The following FBXO17 variants were observed in gnomAD, a reference collection of about 807,000 sequenced individuals.
The protein encoded by FBXO17 is F-box only protein 17.
A neutral mutation model predicts 34.1 loss-of-function variants in FBXO17; 43 were observed. The observed-to-expected ratio is 1.26, with a 90% confidence interval of 0.99 to 1.62. FBXO17 has a LOEUF of 1.62. Ranked by LOEUF, FBXO17 falls within the 40% of genes most tolerant of loss-of-function variation. FBXO17 has a pLI of 0.00. For missense variants in FBXO17, 424 were observed against 386.7 expected, an observed-to-expected ratio of 1.10 and a Z score of -0.81; for synonymous variants, 169 against 166.0, an observed-to-expected ratio of 1.02 and a Z score of -0.14.
At chr19:38,968,796 A>G (rs1322264658) in intron 1 of FBXO17, among the ~76,000 whole-genome samples, 1 of 152,220 alleles carries the variant, frequency 6.6e-6, no homozygotes, top group East Asian at 1.9e-4. Flanking sequence ...CCAGATGCAA[A>G]AGGACACATA....
chr19:38,956,250 A>G (rs913496313), intron 1 of FBXO17, among the ~76,000 whole-genome samples: 4 of 148,480 alleles, frequency 2.7e-5, no homozygotes, highest in Non-Finnish European at 5.9e-5. Flanking sequence ...TGGGCGATAG[A>G]CTGAGACTCT....
intron 1 of FBXO17, among the ~76,000 whole-genome samples, chr19:38,974,409 C>T (rs1455687075): frequency 1.3e-5 from 2 of 152,012 alleles, no homozygotes; most frequent in Non-Finnish European, 2.9e-5. Flanking sequence ...AAAAGAAGCT[C>T]CTTAGCCAAG....
chr19:38,954,198 T>C (rs1975128377), intron 1 of FBXO17, among the ~76,000 whole-genome samples: 1 of 151,902 alleles, frequency 6.6e-6, no homozygotes, highest in Non-Finnish European at 1.5e-5. Context: ...AGAGGAAGGC[T>C]GGATTTAACC....
rs552464643 is a variant in FBXO17 at position 38,952,888 on chromosome 19, G to A, written c.-17-2552C>T. 58 of 455,304 alleles carry A rather than the reference G, an allele frequency of 1.3e-4. 3 individuals are homozygous for A. The highest frequency in any genetic ancestry group is 8.7e-4 in the South Asian group (56 of 64,266). 28.2% of individuals were successfully genotyped at this position (455,304 alleles called of 1,614,324 possible). ...CCTCATTCCCTCCAGTGCCCCACTC[G>A]CATGATCCTTCCAACCCACTGTGAT... On this transcript the variant is annotated intron_variant, in intron 1 of 5. Coordinates refer to ENST00000292852, the MANE Select transcript of FBXO17 (RefSeq NM_024907.7).
rs779477030 is a variant in FBXO17, at chr19:38,942,626, G to C, written c.819C>G (p.Val273=). 2 of 1,584,394 alleles carry C rather than the reference G, an allele frequency of 1.3e-6. No homozygotes were observed. Among genetic ancestry groups the C allele is most frequent in the Non-Finnish European group, 1.7e-6 (2 of 1,169,326 alleles). The change falls in exon 6 of 6, where the codon GTC becomes GTG. Residue 273 remains valine (V), a synonymous_variant. Transcript: ENST00000292852. ...CCAGTCGCTAGGACAGACGGATCCT[G>C]ACCCTCACACTGGAGTGGGTCACAA... ...GALVTHSSVR[V]RIRLS
In FBXO17 at chr19:38,942,516, C is replaced by T; in HGVS notation, c.*92G>A. The stretch of plus-strand genomic sequence containing the variant: ...AGCTCCAGTGATCCTCCCACCTCGG[C>T]CTCCTGAAGTGCTGGGATTCCACAG... On this transcript the variant is annotated 3_prime_UTR_variant, in exon 6 of 6. Transcript: ENST00000292852. 7.4e-7 allele frequency: 1 copy of T among 1,353,768 alleles called. No homozygotes were observed. Among genetic ancestry groups the T allele is most frequent in the East Asian group, 2.8e-5 (1 of 35,912 alleles). The allele number at this position is 1,353,768 out of a possible 1,614,324, so 83.9% of individuals were successfully genotyped here. A position where few individuals can be genotyped will look rare whatever the true frequency, so the allele number is the denominator to read the frequency against.
At chr19:38,974,033 CATATATATATAT>C (rs34636219) in intron 1 of FBXO17, among the ~76,000 whole-genome samples, 4 of 136,214 alleles carry the variant, frequency 2.9e-5, no homozygotes, top group Admixed American at 1.5e-4. Context: ...TATATATATA[CATATATATATAT>C]ACACATATAT....
At chr19:38,949,649 C>T in intron 2 of FBXO17, 2 of 497,634 alleles carry the variant, frequency 4.0e-6, no homozygotes, top group Non-Finnish European at 3.5e-6. Context: ...CTGCCTTGGC[C>T]TCCCAAAGCG....
intron 2 of FBXO17, 149 bp downstream of exon 2, chr19:38,949,822 C>A: frequency 3.0e-6 from 3 of 1,015,734 alleles, no homozygotes; most frequent in Non-Finnish European, 4.1e-6. Context: ...CCGGGCCTAC[C>A]GCCCAGGCAC....
At position 38,949,970 on chromosome 19, in the gene FBXO17, C is replaced by G; in HGVS notation, c.349+1G>C. 6.5e-7 allele frequency: 1 copy of G among 1,534,142 alleles called. No homozygotes were observed. The highest frequency in any genetic ancestry group is 1.2e-5 in the South Asian group (1 of 82,024). ...TCCTGGGCCCCGCCCCCGTCACCCA[C>G]GCTCTCCGCAGGAGTTGAAGATGAG... is the stretch of plus-strand genomic sequence containing the variant. On this transcript the variant is annotated splice_donor_variant, in intron 2 of 5. Coordinates refer to ENST00000292852, the MANE Select transcript of FBXO17 (RefSeq NM_024907.7). LOFTEE classifies it high-confidence loss of function.
chr19:38,962,583 C>T (rs1975267223), intron 1 of FBXO17, among the ~76,000 whole-genome samples: 1 of 152,190 alleles, frequency 6.6e-6, no homozygotes, highest in Non-Finnish European at 1.5e-5. Context: ...CTTTGTCCTT[C>T]GGTGAGCCAT....
chr19:38,942,584 C>T lies in FBXO17; in HGVS notation c.*24G>A. The T allele has an allele frequency of 6.6e-7, 1 of 1,522,912 alleles. No homozygotes were observed. Among genetic ancestry groups the T allele is most frequent in the Non-Finnish European group, 8.8e-7 (1 of 1,139,424 alleles). 94.3% of individuals were successfully genotyped at this position (1,522,912 alleles called of 1,614,324 possible). A position where few individuals can be genotyped will look rare whatever the true frequency, so the allele number is the denominator to read the frequency against. On this transcript the variant is annotated 3_prime_UTR_variant, in exon 6 of 6. Transcript: ENST00000292852. ...TGGCTGCAAGGCTGGTCTTGACTGA[C>T]AACGTCAGGCAGTAGTCCAGTCGCT...
chr19:38,959,212 C>G (rs1975211897), intron 1 of FBXO17, among the ~76,000 whole-genome samples: 1 of 150,330 alleles, frequency 6.7e-6, no homozygotes, highest in African/African-American at 2.4e-5. Flanking sequence ...GCCCGGCCTG[C>G]TAAGGGATTT....
At chr19:38,963,531 G>A (rs917700479) in intron 1 of FBXO17, among the ~76,000 whole-genome samples, 3 of 151,962 alleles carry the variant, frequency 2.0e-5, no homozygotes, top group Non-Finnish European at 4.4e-5. Context: ...TGGGCTCAGC[G>A]ATCTTCCCAG....
At chr19:38,961,785 C>T (rs1319787493) in intron 1 of FBXO17, among the ~76,000 whole-genome samples, 1 of 152,006 alleles carries the variant, frequency 6.6e-6, no homozygotes, top group Non-Finnish European at 1.5e-5. Flanking sequence ...ACTTCAGCCT[C>T]CGGAGTAGCT....
intron 2 of FBXO17, chr19:38,949,691 T>G: frequency 1.8e-6 from 1 of 554,058 alleles, no homozygotes; most frequent in Non-Finnish European, 3.1e-6. Flanking sequence ...GCCCCTGTCC[T>G]GTTCTGCATC....
intron 1 of FBXO17, among the ~76,000 whole-genome samples, chr19:38,959,716 C>T (rs562549033): frequency 1.6e-4 from 25 of 152,004 alleles, no homozygotes; most frequent in African/African-American, 6.0e-4. Flanking sequence ...CACAGTGAAA[C>T]CCCATCTCTA....
intron 2 of FBXO17, chr19:38,949,682 C>G (rs1165539225): frequency 1.9e-6 from 1 of 539,768 alleles, no homozygotes; most frequent in African/African-American, 2.0e-5. Flanking sequence ...CCGCGCCTGG[C>G]CCCTGTCCTG....
At chr19:38,949,938 C>CT in intron 2 of FBXO17, 33 bp downstream of exon 2, 2 of 1,487,390 alleles carry the variant, frequency 1.3e-6, no homozygotes, top group Non-Finnish European at 1.8e-6. Context: ...CGCGGCCCCC[C>CT]TCAGCCTCCT....
Sources: allele counts gnomAD v4.1 joint callset (sites outside exome capture counted in the v4.1 genomes callset), GRCh38; gene constraint gnomAD v4.1.1; transcripts MANE v1.5; gene names NCBI Gene and HGNC (gene_info 2026-07-23, HGNC 2026-07-21).